The following EFCAB6 variants were observed in gnomAD, a reference collection of about 807,000 sequenced individuals.
EFCAB6 encodes EF-hand calcium-binding domain-containing protein 6.
EFCAB6 carries 156 observed loss-of-function variants against 169.8 expected under a neutral mutation model. The ratio of observed to expected loss-of-function variants is 0.92; its 90% CI spans 0.81 to 1.05. The LOEUF (loss-of-function observed/expected upper bound fraction) is 1.05, where lower values mean the gene tolerates loss of function less well. Among genes scored for constraint, EFCAB6 ranks in the 50% least tolerant of loss-of-function variants. The pLI, the probability that EFCAB6 is intolerant of heterozygous loss-of-function variation, is 0.00. For missense variants in EFCAB6, 1,800 were observed against 1,829.1 expected, an observed-to-expected ratio of 0.98 and a Z score of 0.29; for synonymous variants, 698 against 676.4, an observed-to-expected ratio of 1.03 and a Z score of -0.50.
intron 8 of EFCAB6, among the ~76,000 whole-genome samples, chr22:43,727,613 A>G (rs118083949): frequency 8.5e-5 from 13 of 152,228 alleles, no homozygotes; most frequent in Admixed American, 6.5e-5. Context: ...GGGCAGCAAT[A>G]TAACAAAGGA....
chr22:43,764,793 G>A (rs2061273718), intron 5 of EFCAB6, among the ~76,000 whole-genome samples: 1 of 151,812 alleles, frequency 6.6e-6, no homozygotes, highest in South Asian at 2.1e-4. Context: ...AGACATTAAA[G>A]GTCAAACTCC....
At chr22:43,623,977 G>A (rs1319647326) in intron 20 of EFCAB6, among the ~76,000 whole-genome samples, 2 of 151,920 alleles carry the variant, frequency 1.3e-5, no homozygotes, top group Non-Finnish European at 2.9e-5. Context: ...GCTTGGTGGT[G>A]GAGGTGGAAC....
intron 27 of EFCAB6, among the ~76,000 whole-genome samples, chr22:43,546,185 T>C (rs2048042681): frequency 6.6e-6 from 1 of 152,184 alleles, no homozygotes. Flanking sequence ...GTCAGACTTT[T>C]TTTTCATTTA....
intron 13 of EFCAB6, among the ~76,000 whole-genome samples, chr22:43,677,184 C>G (rs1016399496): frequency 1.3e-5 from 2 of 152,102 alleles, no homozygotes; most frequent in African/African-American, 4.8e-5. Context: ...AGAAACATTT[C>G]TAATAATAAA....
intron 17 of EFCAB6, among the ~76,000 whole-genome samples, chr22:43,666,068 G>A (rs767365568): frequency 2.0e-5 from 3 of 152,190 alleles, no homozygotes; most frequent in Admixed American, 1.3e-4. Flanking sequence ...GATTACAGGC[G>A]TGAGCTACCA....
intron 27 of EFCAB6, among the ~76,000 whole-genome samples, chr22:43,550,434 G>A (rs113885074): frequency 1.3e-5 from 2 of 152,180 alleles, no homozygotes; most frequent in Admixed American, 6.5e-5. Flanking sequence ...CACTTTGGGA[G>A]GCCGAGGCGG....
chr22:43,782,268 TGTGTGAGGATGCGACCTAAGCCA>T lies in EFCAB6; in HGVS notation c.28_50del (p.Trp10ThrfsTer14). 1.2e-6 allele frequency: 2 copies of T among 1,614,104 alleles called. No homozygotes were observed. The highest frequency in any genetic ancestry group is 1.7e-6 in the Non-Finnish European group (2 of 1,179,970). On this transcript the variant is annotated frameshift_variant, in exon 3 of 32. Coordinates refer to ENST00000262726, the MANE Select transcript of EFCAB6 (RefSeq NM_022785.4). LOFTEE classifies it high-confidence loss of function. ...GGGGTCTTGAATGTGTAAATTTTCG[TGTGTGAGGATGCGACCTAAGCCA>T]GTCTGGTATAATCGCCATTTTGCAC...
chr22:43,626,622 G>T lies in EFCAB6; in HGVS notation c.2290C>A (p.His764Asn). 6.2e-7 allele frequency: 1 copy of T among 1,614,224 alleles called. No individual in the cohort carries two copies. The highest frequency in any genetic ancestry group is 2.2e-5 in the East Asian group (1 of 44,886). ...DADRDGIINMHDLHRLLLHLL... is the reference protein window; with the variant it reads ...DADRDGIINMNDLHRLLLHLL... The stretch of plus-strand genomic sequence containing the variant: ...TGCAGGAGCAGTCTGTGAAGGTCAT[G>T]CATGTTGATTATGCCATCCCTGTCA... Residue 764 changes from histidine (H) to asparagine (N), a missense_variant, in exon 20 of 32, where the codon CAT (histidine) becomes AAT (asparagine). Coordinates refer to ENST00000262726, the MANE Select transcript of EFCAB6 (RefSeq NM_022785.4).
chr22:43,758,877 TAA>T, intron 5 of EFCAB6, among the ~76,000 whole-genome samples: 1 of 152,350 alleles, frequency 6.6e-6, no homozygotes, highest in East Asian at 1.9e-4. Context: ...CAAATCAAAT[TAA>T]CCTTTAGAGG....
intron 2 of EFCAB6, among the ~76,000 whole-genome samples, chr22:43,794,239 G>A (rs982578530): frequency 1.3e-5 from 2 of 152,182 alleles, no homozygotes; most frequent in Non-Finnish European, 2.9e-5. Context: ...CAAACATTAC[G>A]TTTAGGTCCT....
At chr22:43,787,795 T>A (rs547941467) in intron 2 of EFCAB6, among the ~76,000 whole-genome samples, 1 of 150,372 alleles carries the variant, frequency 6.7e-6, no homozygotes, top group Non-Finnish European at 1.5e-5. Flanking sequence ...AAAATAAAAA[T>A]AAGATCATGA....
chr22:43,678,442 AG>A (rs1459589762), intron 12 of EFCAB6, among the ~76,000 whole-genome samples: 2 of 151,460 alleles, frequency 1.3e-5, no homozygotes, highest in African/African-American at 4.8e-5. Context: ...GTGAGCAATG[AG>A]GCCCATTTCT....
chr22:43,645,851 C>T (rs985879800), intron 17 of EFCAB6, among the ~76,000 whole-genome samples: 2 of 127,956 alleles, frequency 1.6e-5, no homozygotes, highest in Admixed American at 1.5e-4. Context: ...CATTTTAAAA[C>T]TAAAAAAAAA....
chr22:43,583,747 A>G (rs2050878707), intron 24 of EFCAB6, among the ~76,000 whole-genome samples: 1 of 152,154 alleles, frequency 6.6e-6, no homozygotes, highest in African/African-American at 2.4e-5. Flanking sequence ...ACAGACATCT[A>G]TGATCCAGGA....
At chr22:43,531,371 T>A (rs2047056916) in intron 30 of EFCAB6, among the ~76,000 whole-genome samples, 1 of 152,228 alleles carries the variant, frequency 6.6e-6, no homozygotes, top group Non-Finnish European at 1.5e-5. Context: ...ATGGGCCAAT[T>A]TGAAAATAGT....
intron 19 of EFCAB6, among the ~76,000 whole-genome samples, chr22:43,629,424 G>A (rs770248194): frequency 2.2e-4 from 33 of 152,186 alleles, no homozygotes; most frequent in African/African-American, 7.0e-4. Flanking sequence ...GGGTGGTTGC[G>A]GGTGTCAGAA....
At chr22:43,587,951 T>C (rs1314676485) in intron 24 of EFCAB6, among the ~76,000 whole-genome samples, 1 of 152,244 alleles carries the variant, frequency 6.6e-6, no homozygotes, top group East Asian at 1.9e-4. Context: ...CATAGTTGAA[T>C]TAGAATTTCA....
At chr22:43,718,494 T>A (rs2147456595) in intron 8 of EFCAB6, among the ~76,000 whole-genome samples, 1 of 152,276 alleles carries the variant, frequency 6.6e-6, no homozygotes, top group African/African-American at 2.4e-5. Flanking sequence ...CTTTAGAACT[T>A]GGTCATGGCC....
chr22:43,667,279 T>A lies in EFCAB6; in HGVS notation c.1815-7A>T. On this transcript the variant is annotated splice_region_variant and splice_polypyrimidine_tract_variant and intron_variant, in intron 16 of 31. Transcript: ENST00000262726. Reference sequence around the variant, plus strand: ...ATCCTCCGTGAGCTTGGTTCTAAAATCACAAGCAGGCATTTAGACCCAGTG... The same window carrying A: ...ATCCTCCGTGAGCTTGGTTCTAAAAACACAAGCAGGCATTTAGACCCAGTG... 1.2e-6 allele frequency: 2 copies of A among 1,612,736 alleles called. No individual in the cohort carries two copies. The highest frequency in any genetic ancestry group is 1.7e-6 in the Non-Finnish European group (2 of 1,179,316).
Sources: allele counts gnomAD v4.1 joint callset (sites outside exome capture counted in the v4.1 genomes callset), GRCh38; gene constraint gnomAD v4.1.1; transcripts MANE v1.5; gene names NCBI Gene and HGNC (gene_info 2026-07-23, HGNC 2026-07-21).